The following BTC variants were observed in gnomAD, a reference collection of about 807,000 sequenced individuals.
BTC encodes the protein betacellulin.
In BTC, 13 loss-of-function variants were observed where a neutral mutation model predicts 18.1. The observed-to-expected ratio is 0.72, with a 90% confidence interval of 0.47 to 1.14. The LOEUF (loss-of-function observed/expected upper bound fraction) is 1.14, where lower values mean the gene tolerates loss of function less well. BTC is among the 50% of genes most tolerant of loss of function. The probability of loss-of-function intolerance (pLI) is 0.00; values close to 1 mark genes in which losing one functional copy is unlikely to be tolerated. For missense variants in BTC, 247 were observed against 224.2 expected (o/e 1.10, Z -0.65); for synonymous variants, 83 against 79.4 (o/e 1.05, Z -0.24).
intron 2 of BTC, among the ~76,000 whole-genome samples, chr4:74,757,470 A>C (rs1233194981): frequency 6.6e-6 from 1 of 152,224 alleles, no homozygotes; most frequent in Admixed American, 6.5e-5. Context: ...ACTCATCAGA[A>C]GGACTGAAAT....
chr4:74,754,224 TA>T (rs1338403956), intron 3 of BTC, among the ~76,000 whole-genome samples: 1 of 152,226 alleles, frequency 6.6e-6, no homozygotes, highest in African/African-American at 2.4e-5. Context: ...GGAAATTTGG[TA>T]TAGCATTAGA....
At chr4:74,787,453 T>C (rs1161299235) in intron 1 of BTC, among the ~76,000 whole-genome samples, 1 of 152,226 alleles carries the variant, frequency 6.6e-6, no homozygotes, top group Non-Finnish European at 1.5e-5. Flanking sequence ...TTATAACAAT[T>C]AGATATACAG....
At chr4:74,775,323 TAAG>T (rs935923267) in intron 1 of BTC, among the ~76,000 whole-genome samples, 1 of 152,054 alleles carries the variant, frequency 6.6e-6, no homozygotes, top group Non-Finnish European at 1.5e-5. Flanking sequence ...TCCAGTGAAA[TAAG>T]AAAGTTTAAA....
chr4:74,765,896 C>A (rs949738461), intron 2 of BTC, among the ~76,000 whole-genome samples: 17 of 152,050 alleles, frequency 1.1e-4, no homozygotes, highest in African/African-American at 4.1e-4. Flanking sequence ...TTTCATTGAG[C>A]AAACATCATA....
chr4:74,769,913 A>G (rs1385707559), intron 2 of BTC, 145 bp downstream of exon 2: 30 of 580,664 alleles, frequency 5.2e-5, no homozygotes, highest in South Asian at 2.5e-5. Flanking sequence ...GGCTCTTGTG[A>G]GTAGTGATTA....
chr4:74,785,404 G>T (rs1309481093), intron 1 of BTC, among the ~76,000 whole-genome samples: 1 of 151,884 alleles, frequency 6.6e-6, no homozygotes, highest in Non-Finnish European at 1.5e-5. Context: ...GAAGGTTTTT[G>T]CATGTCTCTG....
intron 1 of BTC, among the ~76,000 whole-genome samples, chr4:74,791,339 C>CA (rs1428458153): frequency 7.0e-6 from 1 of 142,656 alleles, no homozygotes; most frequent in South Asian, 2.2e-4. Flanking sequence ...GAGACTGTCT[C>CA]AAAAAAAGAA....
chr4:74,761,998 GC>G, intron 2 of BTC, among the ~76,000 whole-genome samples: 1 of 152,062 alleles, frequency 6.6e-6, no homozygotes, highest in African/African-American at 2.4e-5. Flanking sequence ...GTTCATTTTT[GC>G]ATCCTTGACA....
chr4:74,792,647 C>T (rs1037254442), intron 1 of BTC, among the ~76,000 whole-genome samples: 6 of 152,200 alleles, frequency 3.9e-5, no homozygotes, highest in Admixed American at 6.5e-5. Flanking sequence ...ATCTGTCTGC[C>T]TCTCAGAAAT....
At chr4:74,770,219 C>G (rs1293826309) in intron 1 of BTC, 63 bp from the exon 2 acceptor site, 1 of 1,283,842 alleles carries the variant, frequency 7.8e-7, no homozygotes, top group Non-Finnish European at 1.1e-6. Context: ...AACAGTCTAT[C>G]AAAGTCATCA....
intron 1 of BTC, 100 bp from the exon 2 acceptor site, chr4:74,770,256 C>T: frequency 1.1e-6 from 1 of 939,544 alleles, no homozygotes; most frequent in Non-Finnish European, 1.6e-6. Context: ...ATGAAAATAA[C>T]AAGACTATGG....
chr4:74,777,753 T>C (rs1725214810), intron 1 of BTC, among the ~76,000 whole-genome samples: 1 of 152,130 alleles, frequency 6.6e-6, no homozygotes, highest in Non-Finnish European at 1.5e-5. Flanking sequence ...GGATTACTGA[T>C]TCAGTTGGTT....
At chr4:74,765,614 G>T (rs28773325) in intron 2 of BTC, among the ~76,000 whole-genome samples, 20,119 of 151,960 alleles carry the variant, frequency 0.13, 1,820 homozygotes, top group African/African-American at 0.25. Flanking sequence ...GGAAAGAAAT[G>T]TACATACATA....
intron 1 of BTC, among the ~76,000 whole-genome samples, chr4:74,788,338 A>C (rs1351850731): frequency 1.3e-5 from 2 of 152,094 alleles, no homozygotes; most frequent in African/African-American, 4.8e-5. Flanking sequence ...TTTTTCCTTC[A>C]CCACTACCAA....
At chr4:74,765,582 G>A (rs535494488) in intron 2 of BTC, among the ~76,000 whole-genome samples, 6 of 152,206 alleles carry the variant, frequency 3.9e-5, no homozygotes, top group Admixed American at 2.0e-4. Context: ...AAGAAATAAT[G>A]CCCCAAACTT....
chr4:74,767,877 A>G (rs1217096652), intron 2 of BTC, among the ~76,000 whole-genome samples: 1 of 152,170 alleles, frequency 6.6e-6, no homozygotes, highest in Non-Finnish European at 1.5e-5. Context: ...TACAAAAATC[A>G]ACTCAAAATG....
chr4:74,754,368 G>A (rs1407685279), intron 3 of BTC, among the ~76,000 whole-genome samples: 1 of 152,198 alleles, frequency 6.6e-6, no homozygotes, highest in Non-Finnish European at 1.5e-5. Context: ...GGAGCTCACT[G>A]TCACAGAAGG....
chr4:74,751,057 A>C (rs1724447241), intron 3 of BTC, among the ~76,000 whole-genome samples: 1 of 152,202 alleles, frequency 6.6e-6, no homozygotes, highest in African/African-American at 2.4e-5. Context: ...CTCCATGACA[A>C]GGAACTCAAA....
intron 4 of BTC, among the ~76,000 whole-genome samples, chr4:74,748,962 T>G (rs1241959720): frequency 6.6e-6 from 1 of 152,202 alleles, no homozygotes; most frequent in Admixed American, 6.5e-5. Context: ...GGCATAATAT[T>G]TCTTCCTACC....
Sources: gnomAD v4.1 joint callset for allele counts (sites outside exome capture counted in the v4.1 genomes callset) on GRCh38, gnomAD v4.1.1 for gene constraint, MANE v1.5 for transcripts, NCBI Gene and HGNC (gene_info 2026-07-23, HGNC 2026-07-21) for gene names.